THUMPD3: variants seen among roughly 807,000 people sequenced by gnomAD.
THUMPD3 encodes the protein tRNA (guanine(6)-N(2))-methyltransferase THUMP3.
In THUMPD3, 44 loss-of-function variants were observed where a neutral mutation model predicts 54.5. That is an observed-to-expected ratio of 0.81 (90% CI 0.63 to 1.04). The LOEUF (loss-of-function observed/expected upper bound fraction) is 1.04, where lower values mean the gene tolerates loss of function less well. Ranked by LOEUF, THUMPD3 falls within the 50% of genes least tolerant of loss-of-function variation. The probability of loss-of-function intolerance (pLI) is 0.00; values close to 1 mark genes in which losing one functional copy is unlikely to be tolerated. For synonymous variants in THUMPD3, 196 were observed against 201.4 expected (o/e 0.97, Z 0.23); for missense variants, 604 against 601.3 (o/e 1.00, Z -0.05).
At position 9,384,897 on chromosome 3, in the gene THUMPD3, G is replaced by A. The variant is rs927383740; in HGVS notation, c.*209G>A. ...ACAGTGGCTCACGACTGTAATTCCA[G>A]CAGTTTAGGAAGCCGAAGTGTGCAG... is the stretch of plus-strand genomic sequence containing the variant. On this transcript the variant is annotated 3_prime_UTR_variant, in exon 10 of 10. Transcript: ENST00000452837. 7.0e-6 allele frequency: 4 copies of A among 568,790 alleles called. No individual in the cohort carries two copies. The highest frequency in any genetic ancestry group is 5.6e-5 in the African/African-American group (3 of 53,212). The allele number at this position is 568,790 out of a possible 1,614,324, so 35.2% of individuals were successfully genotyped here. A position where few individuals can be genotyped will look rare whatever the true frequency, so the allele number is the denominator to read the frequency against.
rs779602979 is a variant in THUMPD3 at position 9,369,309 on chromosome 3, CAAAAAAA to C, written c.331-1733_331-1727del. Among the ~76,000 whole-genome samples, 16 of 60,832 alleles carry C rather than the reference CAAAAAAA, an allele frequency of 2.6e-4. 2 individuals carry two copies. The South Asian group carries it at 8.7e-3, about 33-fold the overall frequency. The allele number at this position is 60,832 out of a possible 152,430, so 39.9% of individuals were successfully genotyped here. On this transcript the variant is annotated intron_variant, in intron 3 of 9. Transcript: ENST00000452837. ...TGGGCAACAGAGCAAGACTCCGTCT[CAAAAAAA>C]AAAAAAAAAAAAAAAAAGAAAGAAA...
In THUMPD3 at chr3:9,385,766, C is replaced by T. The variant is rs1468576377; in HGVS notation, c.*1078C>T. On this transcript the variant is annotated 3_prime_UTR_variant, in exon 10 of 10. Transcript: ENST00000452837. Reference sequence around the variant, plus strand: ...GTCAAGAGTATTTGTTGGCTAGTTTCTTAAAAGGCCAAGAGAAAAAAAATG... The same window carrying T: ...GTCAAGAGTATTTGTTGGCTAGTTTTTTAAAAGGCCAAGAGAAAAAAAATG... 2.0e-5 allele frequency: 3 copies of T among 152,080 alleles called. No homozygotes were observed. The East Asian group carries it at 5.8e-4, about 29-fold the overall frequency. 9.4% of individuals were successfully genotyped at this position (152,080 alleles called of 1,614,324 possible).
At chr3:9,381,429 T>A (rs1183131944) in intron 7 of THUMPD3, among the ~76,000 whole-genome samples, 1 of 152,180 alleles carries the variant, frequency 6.6e-6, no homozygotes. Context: ...TCTGATTTAG[T>A]AGTTTGGGAT....
In THUMPD3 at chr3:9,371,201, A is replaced by G; in HGVS notation, c.472A>G (p.Ile158Val). The G allele has an allele frequency of 6.2e-7, 1 of 1,611,070 alleles. No individual in the cohort carries two copies. The highest frequency in any genetic ancestry group is 8.5e-7 in the Non-Finnish European group (1 of 1,179,388). The change falls in exon 4 of 10, where the codon ATT becomes GTT. Residue 158 changes from isoleucine (I) to valine (V), a missense_variant. By Grantham distance (29) the Ile-to-Val change is conservative. Transcript: ENST00000452837. ...AAATCAGAATTCAAGTAAAGAGAAG[A>G]TTAATAATGGACAAGAAGTCAAAAT... ...KINQNSSKEK[I>V]NNGQEVKIDQ...
chr3:9,368,217 T>G (rs2031723728), intron 3 of THUMPD3, among the ~76,000 whole-genome samples: 1 of 151,864 alleles, frequency 6.6e-6, no homozygotes, highest in South Asian at 2.1e-4. Flanking sequence ...TAAAAAATAT[T>G]GAGATGGGGT....
In THUMPD3 at chr3:9,374,612, A is replaced by T; in HGVS notation, c.904A>T (p.Thr302Ser). Residue 302 changes from threonine to serine, a missense_variant, in exon 5 of 10, where the codon ACT becomes TCT. Coordinates refer to ENST00000452837, the MANE Select transcript of THUMPD3 (RefSeq NM_001114092.2). ...RRNITHFGPTTLRSTLAYGML... is the reference protein window; with the variant it reads ...RRNITHFGPTSLRSTLAYGML... ...AAATATAACACATTTTGGACCTACA[A>T]CTCTTAGATCAACTCTTGCCTATGG... The T allele has an allele frequency of 1.9e-6, 3 of 1,613,948 alleles. No individual in the cohort carries two copies. Among genetic ancestry groups the T allele is most frequent in the Non-Finnish European group, 2.5e-6 (3 of 1,179,942 alleles).
chr3:9,364,598 C>T (rs111393759), intron 1 of THUMPD3, among the ~76,000 whole-genome samples: 3 of 152,136 alleles, frequency 2.0e-5, no homozygotes, highest in East Asian at 1.9e-4. Context: ...CTGCCCGCCT[C>T]GGCCTCCCAA....
rs1357891686 is a variant in THUMPD3 at position 9,386,640 on chromosome 3, C to CT, written c.*1953dup. The CT allele has an allele frequency of 2.0e-5, 3 of 152,050 alleles. No homozygotes were observed. Among genetic ancestry groups the CT allele is most frequent in the African/African-American group, 7.2e-5 (3 of 41,380 alleles). 9.4% of individuals were successfully genotyped at this position (152,050 alleles called of 1,614,324 possible). A position where few individuals can be genotyped will look rare whatever the true frequency, so the allele number is the denominator to read the frequency against. ...TCTGGTGACTAGAATAGGCAGTGGG[C>CT]TATAAGCAGGATTCATAAGGCCTGG... On this transcript the variant is annotated 3_prime_UTR_variant, in exon 10 of 10. Coordinates refer to ENST00000452837, the MANE Select transcript of THUMPD3 (RefSeq NM_001114092.2).
intron 4 of THUMPD3, among the ~76,000 whole-genome samples, chr3:9,374,034 T>G (rs1446109389): frequency 6.6e-6 from 1 of 152,214 alleles, no homozygotes; most frequent in East Asian, 1.9e-4. Flanking sequence ...ACAAACTATT[T>G]CCAGTACCTC....
rs1417121581 is a variant in THUMPD3 at position 9,385,997 on chromosome 3, A to T, written c.*1309A>T. The T allele has an allele frequency of 3.3e-5, 5 of 152,228 alleles. No homozygotes were observed. Among genetic ancestry groups the T allele is most frequent in the African/African-American group, 1.2e-4 (5 of 41,464 alleles). 9.4% of individuals were successfully genotyped at this position (152,228 alleles called of 1,614,324 possible). ...TGTTTATTTTGGAGCCTCTGGCTGC[A>T]ATCAGTATAGATTTTCAGTATCCTA... On this transcript the variant is annotated 3_prime_UTR_variant, in exon 10 of 10. Transcript: ENST00000452837.
chr3:9,380,675 T>C (rs929684561), intron 7 of THUMPD3, 57 bp downstream of exon 7: 3 of 1,305,856 alleles, frequency 2.3e-6, no homozygotes, highest in Non-Finnish European at 1.1e-6. Context: ...ACTTTTTATA[T>C]TGACTTTATG....
At chr3:9,364,725 C>T (rs543410205) in intron 1 of THUMPD3, among the ~76,000 whole-genome samples, 6 of 152,340 alleles carry the variant, frequency 3.9e-5, no homozygotes, top group African/African-American at 1.4e-4. Context: ...CAGTTTCTGT[C>T]GTAGTTATGA....
At position 9,383,283 on chromosome 3, in the gene THUMPD3, T is replaced by C. The variant is rs201120152; in HGVS notation, c.1209T>C (p.Ile403=). 1 of 1,613,780 alleles carries C rather than the reference T, an allele frequency of 6.2e-7. No individual in the cohort carries two copies. The highest frequency in any genetic ancestry group is 8.5e-7 in the Non-Finnish European group (1 of 1,179,656). ...TGAGAACTGGCTCTGTGGATATTAT[T>C]GTAACAGATTTGCCATTTGGAAAAA... ...LPLRTGSVDI[I]VTDLPFGKRM... The change falls in exon 8 of 10, where the codon ATT becomes ATC. Residue 403 remains isoleucine (I), a synonymous_variant. Coordinates refer to ENST00000452837, the MANE Select transcript of THUMPD3 (RefSeq NM_001114092.2).
chr3:9,374,070 A>C (rs1189490959), intron 4 of THUMPD3, among the ~76,000 whole-genome samples: 7 of 152,340 alleles, frequency 4.6e-5, no homozygotes, highest in Admixed American at 2.0e-4. Context: ...TTTCCCAGTC[A>C]GTACCCACTC....
chr3:9,381,554 A>T (rs1024890809), intron 7 of THUMPD3, among the ~76,000 whole-genome samples: 1 of 151,780 alleles, frequency 6.6e-6, no homozygotes, highest in African/African-American at 2.4e-5. Flanking sequence ...GGAAGGCTTC[A>T]ATTTTCTTAA....
chr3:9,384,154 T>C (rs1299286301), intron 8 of THUMPD3, 58 bp from the exon 9 acceptor site: 10 of 1,584,808 alleles, frequency 6.3e-6, no homozygotes, highest in Non-Finnish European at 4.3e-6. Flanking sequence ...TTGTTTCATA[T>C]AGTCCTTCTA....
In THUMPD3 at chr3:9,371,339, G is replaced by T. The variant is rs200032940; in HGVS notation, c.610G>T (p.Asp204Tyr). 5.6e-6 allele frequency: 9 copies of T among 1,614,150 alleles called. No individual in the cohort carries two copies. The East Asian group carries it at 2.0e-4, about 36-fold the overall frequency. The stretch of plus-strand genomic sequence containing the variant: ...GGATGTATCAACATTAATAGGTGAT[G>T]ATTTGGCATCTTGCAAAGATGAGAC... ...KEDVSTLIGD[D>Y]LASCKDETDE... Residue 204 changes from aspartate to tyrosine, a missense_variant, in exon 4 of 10, where the codon GAT (aspartate) becomes TAT (tyrosine). Transcript: ENST00000452837.
chr3:9,384,342 T>C lies in THUMPD3; in HGVS notation c.1359+7T>C, dbSNP rs78144811. 0.014 allele frequency: 22,264 copies of C among 1,608,026 alleles called. 193 individuals carry two copies. Among genetic ancestry groups the C allele is most frequent in the Non-Finnish European group, 0.016 (18,579 of 1,177,918 alleles). ...CACAAAATGCTTTACCAAGGTGCTA[T>C]ACACATTAGCTCAAAATCGCAGCCT... On this transcript the variant is annotated splice_region_variant and intron_variant, in intron 9 of 9. Coordinates refer to ENST00000452837, the MANE Select transcript of THUMPD3 (RefSeq NM_001114092.2).
intron 7 of THUMPD3, among the ~76,000 whole-genome samples, chr3:9,381,114 G>A (rs76808210): frequency 6.2e-4 from 95 of 152,138 alleles, no homozygotes; most frequent in Admixed American, 1.2e-3. Context: ...TAAAATCTTC[G>A]TAGAGATGGG....
Sources: gnomAD v4.1 joint callset for allele counts (sites outside exome capture counted in the v4.1 genomes callset) on GRCh38, gnomAD v4.1.1 for gene constraint, MANE v1.5 for transcripts, NCBI Gene and HGNC (gene_info 2026-07-23, HGNC 2026-07-21) for gene names.